CSMD1: variants seen among roughly 807,000 people sequenced by gnomAD.
CSMD1 encodes CUB and sushi domain-containing protein 1.
In CSMD1, 213 loss-of-function variants were observed where a neutral mutation model predicts 417.5. The ratio of observed to expected loss-of-function variants is 0.51; its 90% confidence interval spans 0.46 to 0.57. The LOEUF (loss-of-function observed/expected upper bound fraction) is 0.57, where lower values mean the gene tolerates loss of function less well. CSMD1 is among the 20% of genes least tolerant of loss of function. CSMD1 has a pLI of 0.00. For synonymous variants in CSMD1, 2,862 were observed against 1,736.8 expected (o/e 1.65, Z -16.11); for missense variants, 6,923 against 4,529.7 (o/e 1.53, Z -15.17).
intron 2 of CSMD1, among the ~76,000 whole-genome samples, chr8:4,443,744 G>A (rs537144329): frequency 1.3e-5 from 2 of 152,228 alleles, no homozygotes; most frequent in East Asian, 1.9e-4. Context: ...AATATGAACA[G>A]TTTTATCAAA....
At chr8:3,741,496 C>G (rs73658230) in intron 6 of CSMD1, among the ~76,000 whole-genome samples, 1,964 of 152,308 alleles carry the variant, frequency 0.013, 41 homozygotes, top group African/African-American at 0.043. Flanking sequence ...GTAAAATGTA[C>G]TTCCCATTTC....
chr8:3,349,423 C>T (rs982589715), intron 21 of CSMD1, among the ~76,000 whole-genome samples: 1 of 151,976 alleles, frequency 6.6e-6, no homozygotes, highest in Admixed American at 6.6e-5. Context: ...AGAATGCCTC[C>T]ATGTGGAAGG....
chr8:3,299,007 T>G (rs1434270378), intron 25 of CSMD1, among the ~76,000 whole-genome samples: 1 of 152,216 alleles, frequency 6.6e-6, no homozygotes, highest in Admixed American at 6.5e-5. Flanking sequence ...CATGGAGTTT[T>G]GCCATCTTGG....
chr8:4,819,127 G>A (rs573217464), intron 1 of CSMD1, among the ~76,000 whole-genome samples: 1 of 152,168 alleles, frequency 6.6e-6, no homozygotes, highest in African/African-American at 2.4e-5. Flanking sequence ...AACAGCAGCA[G>A]GCAGCTCATG....
Position 4,757,938 on chromosome 8 carries a change from C to T in CSMD1, c.86-120380G>A, listed in dbSNP as rs1048859211. Among the ~76,000 whole-genome samples the T allele has an allele frequency of 6.2e-5, 7 of 112,422 alleles. No homozygotes were observed. The South Asian group carries it at 2.0e-3, about 31-fold the overall frequency. The allele number at this position is 112,422 out of a possible 152,430, so 73.8% of individuals were successfully genotyped here. On this transcript the variant is annotated intron_variant, in intron 1 of 69. Coordinates refer to ENST00000635120, the MANE Select transcript of CSMD1 (RefSeq NM_033225.6). ...TGTGCCACCTGCACTCCATCCTGGG[C>T]AACAGAGAGAGACTTTGTCTCAAAA...
chr8:4,402,238 C>T (rs1169327437), intron 3 of CSMD1, among the ~76,000 whole-genome samples: 3 of 152,088 alleles, frequency 2.0e-5, no homozygotes, highest in Admixed American at 6.6e-5. Context: ...GGGGCTCATT[C>T]CCTCCAGGAA....
At position 3,021,848 on chromosome 8, in the gene CSMD1, C is replaced by T. The variant is rs1292623454; in HGVS notation, c.7856-3198G>A. Among the ~76,000 whole-genome samples, 5 of 149,580 alleles carry T rather than the reference C, an allele frequency of 3.3e-5. No homozygotes were observed. In the East Asian group the frequency reaches 1.0e-3, roughly 30 times the overall value. ...CATCCGGAATGCACCTGCAATCCCA[C>T]AGCATCCGGAATGCACCCGCAATCC... On this transcript the variant is annotated intron_variant, in intron 51 of 69. Transcript: ENST00000635120.
intron 8 of CSMD1, among the ~76,000 whole-genome samples, chr8:3,597,261 C>T (rs983257054): frequency 1.3e-5 from 2 of 152,054 alleles, no homozygotes; most frequent in Non-Finnish European, 1.5e-5. Flanking sequence ...CTAGAGGCAC[C>T]GGTGAGACAG....
intron 8 of CSMD1, among the ~76,000 whole-genome samples, chr8:3,611,387 T>C (rs1026918551): frequency 6.6e-6 from 1 of 152,166 alleles, no homozygotes; most frequent in African/African-American, 2.4e-5. Context: ...TATGTAATTG[T>C]TTGAGTTTTG....
At chr8:3,324,990 G>C (rs907535438) in intron 23 of CSMD1, among the ~76,000 whole-genome samples, 1 of 151,930 alleles carries the variant, frequency 6.6e-6, no homozygotes, top group East Asian at 1.9e-4. Context: ...AAAAAAAAAA[G>C]CATTTGTTGT....
At chr8:4,219,949 T>G (rs1486843822) in intron 3 of CSMD1, among the ~76,000 whole-genome samples, 2 of 152,144 alleles carry the variant, frequency 1.3e-5, no homozygotes, top group Admixed American at 1.3e-4. Flanking sequence ...TTTTAAAAAT[T>G]TTTTAATGCT....
At chr8:4,910,465 T>C (rs979806272) in intron 1 of CSMD1, among the ~76,000 whole-genome samples, 1 of 152,220 alleles carries the variant, frequency 6.6e-6, no homozygotes, top group African/African-American at 2.4e-5. Flanking sequence ...GTTTGTCCTC[T>C]GATGCAGGGT....
chr8:4,419,649 ACG>A (rs1797136798), intron 3 of CSMD1, among the ~76,000 whole-genome samples: 1 of 152,150 alleles, frequency 6.6e-6, no homozygotes, highest in Non-Finnish European at 1.5e-5. Flanking sequence ...ACTCTTTACC[ACG>A]TAAGAGGGCT....
At position 3,493,713 on chromosome 8, in the gene CSMD1, G is replaced by C. The variant is rs530405208; in HGVS notation, c.1358C>G (p.Ala453Gly). 12 of 1,610,338 alleles carry C rather than the reference G, an allele frequency of 7.5e-6. No individual in the cohort carries two copies. In the South Asian group the frequency reaches 1.3e-4, roughly 18 times the overall value. The change falls in exon 11 of 70, where the codon GCC becomes GGC. Residue 453 changes from alanine (A) to glycine (G), a missense_variant. Transcript: ENST00000635120. ...TTDPDKVIKL[A>G]FEEFELERGY... is the part of the protein sequence containing the mutation. Reference sequence around the variant, plus strand: ...TCGCTCCAGCTCAAACTCTTCAAAGGCAAGCTTGATGACCTAAATACAAGG... The same window carrying C: ...TCGCTCCAGCTCAAACTCTTCAAAGCCAAGCTTGATGACCTAAATACAAGG...
chr8:4,708,229 C>T (rs1808075246), intron 1 of CSMD1, among the ~76,000 whole-genome samples: 1 of 152,160 alleles, frequency 6.6e-6, no homozygotes, highest in Admixed American at 6.5e-5. Context: ...AGATTACAGG[C>T]ATGAGCCACT....
intron 10 of CSMD1, among the ~76,000 whole-genome samples, chr8:3,547,397 C>G (rs917877953): frequency 6.6e-6 from 1 of 152,084 alleles, no homozygotes; most frequent in South Asian, 2.1e-4. Flanking sequence ...AGAGGTAAAA[C>G]TGATTCAGTT....
intron 2 of CSMD1, among the ~76,000 whole-genome samples, chr8:4,436,290 T>C (rs10087245): frequency 0.024 from 3,653 of 152,290 alleles, 130 homozygotes; most frequent in African/African-American, 0.081. Context: ...ATTGTGGTGT[T>C]TTTTTCATCT....
chr8:4,118,009 G>A (rs751076421), intron 3 of CSMD1, among the ~76,000 whole-genome samples: 1 of 151,276 alleles, frequency 6.6e-6, no homozygotes, highest in African/African-American at 2.4e-5. Context: ...AATGACATAG[G>A]TAAAAAAAAG....
At chr8:4,487,141 C>A (rs1801454494) in intron 2 of CSMD1, among the ~76,000 whole-genome samples, 1 of 152,146 alleles carries the variant, frequency 6.6e-6, no homozygotes, top group Non-Finnish European at 1.5e-5. Flanking sequence ...CTATTTCAAG[C>A]AATGTGTAAT....
Sources: gnomAD v4.1 joint callset for allele counts (sites outside exome capture counted in the v4.1 genomes callset) on GRCh38, gnomAD v4.1.1 for gene constraint, MANE v1.5 for transcripts, NCBI Gene and HGNC (gene_info 2026-07-23, HGNC 2026-07-21) for gene names.